The following EXOC2 variants were observed in gnomAD, a reference collection of about 807,000 sequenced individuals.
The protein encoded by EXOC2 is SEC5-like 1.
EXOC2 carries 70 observed loss-of-function variants against 131.8 expected under a neutral mutation model. The ratio of observed to expected loss-of-function variants is 0.53; its 90% CI spans 0.44 to 0.65. The LOEUF (loss-of-function observed/expected upper bound fraction) is 0.65. EXOC2 is among the 30% of genes least tolerant of loss of function. The pLI is 0.00. For missense variants in EXOC2, 923 were observed against 1,108.6 expected, an observed-to-expected ratio of 0.83 and a Z score of 2.38; for synonymous variants, 411 against 398.4, an observed-to-expected ratio of 1.03 and a Z score of -0.38.
At chr6:581,834 A>C (rs1346223590) in intron 11 of EXOC2, among the ~76,000 whole-genome samples, 1 of 152,170 alleles carries the variant, frequency 6.6e-6, no homozygotes, top group Non-Finnish European at 1.5e-5. Context: ...TTTCCAGTTA[A>C]ATACTGCTTC....
chr6:581,179 C>T (rs1758875059), intron 11 of EXOC2, among the ~76,000 whole-genome samples: 1 of 151,916 alleles, frequency 6.6e-6, no homozygotes. Context: ...GCCTGTAGTC[C>T]CAGCTACTCG....
At chr6:635,083 T>A (rs1345984272) in intron 2 of EXOC2, among the ~76,000 whole-genome samples, 1 of 152,226 alleles carries the variant, frequency 6.6e-6, no homozygotes, top group African/African-American at 2.4e-5. Flanking sequence ...AATATCAGAT[T>A]TTTGTGATTT....
intron 1 of EXOC2, among the ~76,000 whole-genome samples, chr6:690,511 G>T (rs1242517401): frequency 6.6e-6 from 1 of 152,088 alleles, no homozygotes; most frequent in Non-Finnish European, 1.5e-5. Context: ...CCGTCACGAG[G>T]ATCGCGACGG....
intron 23 of EXOC2, 52 bp from the exon 24 acceptor site, chr6:499,752 C>T: frequency 6.8e-7 from 1 of 1,466,414 alleles, no homozygotes; most frequent in South Asian, 1.1e-5. Context: ...ACACAAGCTC[C>T]CCTCCCCTGC....
At chr6:583,252 G>A (rs1759012840) in intron 11 of EXOC2, among the ~76,000 whole-genome samples, 1 of 152,186 alleles carries the variant, frequency 6.6e-6, no homozygotes, top group Non-Finnish European at 1.5e-5. Context: ...TTCAATGTGT[G>A]TTTGACATTC....
intron 25 of EXOC2, among the ~76,000 whole-genome samples, chr6:494,492 C>T (rs1190184721): frequency 2.0e-5 from 3 of 151,642 alleles, no homozygotes; most frequent in African/African-American, 4.8e-5. Flanking sequence ...AGACAAATCT[C>T]GAAGTGTGGC....
intron 1 of EXOC2, among the ~76,000 whole-genome samples, chr6:677,045 T>G (rs867244165): frequency 1.8e-5 from 1 of 54,824 alleles, no homozygotes; most frequent in Non-Finnish European, 4.2e-5. Context: ...AAAGGACAGC[T>G]TTCTCTGGAG....
At chr6:618,798 C>A (rs1477115031) in intron 5 of EXOC2, among the ~76,000 whole-genome samples, 1 of 152,196 alleles carries the variant, frequency 6.6e-6, no homozygotes, top group Non-Finnish European at 1.5e-5. Flanking sequence ...TATTTTAACA[C>A]ACTAATTTAT....
intron 7 of EXOC2, among the ~76,000 whole-genome samples, chr6:603,844 C>T (rs890247124): frequency 4.6e-5 from 7 of 152,080 alleles, no homozygotes; most frequent in East Asian, 1.9e-4. Context: ...TGTTTGCGAG[C>T]GTAAGACCAA....
At chr6:682,110 T>C (rs1408041563) in intron 1 of EXOC2, among the ~76,000 whole-genome samples, 2 of 152,118 alleles carry the variant, frequency 1.3e-5, no homozygotes, top group Non-Finnish European at 2.9e-5. Flanking sequence ...AGAAAAGTGC[T>C]GGTGACTAAC....
intron 23 of EXOC2, among the ~76,000 whole-genome samples, chr6:523,302 G>C (rs532805005): frequency 6.6e-6 from 1 of 152,328 alleles, no homozygotes; most frequent in Admixed American, 6.5e-5. Flanking sequence ...GAGCACACTC[G>C]TGCTTACCAC....
intron 23 of EXOC2, among the ~76,000 whole-genome samples, chr6:526,764 G>A (rs1388997777): frequency 6.6e-6 from 1 of 152,082 alleles, no homozygotes; most frequent in Non-Finnish European, 1.5e-5. Context: ...AATGGAGGCT[G>A]TTTATTGTCT....
At chr6:499,080 T>C (rs1458449069) in intron 24 of EXOC2, among the ~76,000 whole-genome samples, 14 of 152,146 alleles carry the variant, frequency 9.2e-5, no homozygotes, top group African/African-American at 3.4e-4. Context: ...GATGAAAGCG[T>C]GTCAAGTGAG....
intron 22 of EXOC2, among the ~76,000 whole-genome samples, chr6:540,180 C>A (rs956901201): frequency 6.6e-6 from 1 of 152,282 alleles, no homozygotes; most frequent in South Asian, 2.1e-4. Context: ...GTCTTGAACT[C>A]CTCACCTTAG....
chr6:522,687 G>A (rs1765538244), intron 23 of EXOC2, among the ~76,000 whole-genome samples: 1 of 151,566 alleles, frequency 6.6e-6, no homozygotes, highest in Admixed American at 6.6e-5. Context: ...GCGTGTGGGG[G>A]AGCATTGAGC....
At chr6:660,451 A>G (rs1763375950) in intron 1 of EXOC2, among the ~76,000 whole-genome samples, 1 of 152,180 alleles carries the variant, frequency 6.6e-6, no homozygotes, top group Admixed American at 6.5e-5. Context: ...CACGGCTGAG[A>G]GACCATAGAT....
At chr6:530,328 C>T (rs1347599454) in intron 23 of EXOC2, among the ~76,000 whole-genome samples, 1 of 152,206 alleles carries the variant, frequency 6.6e-6, no homozygotes, top group African/African-American at 2.4e-5. Flanking sequence ...TCTTCATTTA[C>T]TCCACAAACA....
intron 1 of EXOC2, among the ~76,000 whole-genome samples, chr6:664,157 A>G (rs1763536647): frequency 6.6e-6 from 1 of 152,242 alleles, no homozygotes. Flanking sequence ...GTGGAGAATC[A>G]AATCAAGAAC....
At chr6:529,404 CAA>C (rs1561819919) in intron 23 of EXOC2, among the ~76,000 whole-genome samples, 10 of 151,524 alleles carry the variant, frequency 6.6e-5, no homozygotes, top group Non-Finnish European at 1.0e-4. Flanking sequence ...AGAGGGCTGG[CAA>C]AGAAAAGTCT....
Sources: gnomAD v4.1 joint callset for allele counts (sites outside exome capture counted in the v4.1 genomes callset) on GRCh38, gnomAD v4.1.1 for gene constraint, MANE v1.5 for transcripts, NCBI Gene and HGNC (gene_info 2026-07-23, HGNC 2026-07-21) for gene names.